The following MAGI1 variants were observed in gnomAD, a reference collection of about 807,000 sequenced individuals.
The protein encoded by MAGI1 is membrane associated guanylate kinase, WW and PDZ domain containing 1.
In MAGI1, 58 loss-of-function variants were observed where a neutral mutation model predicts 139.9. The ratio of observed to expected loss-of-function variants is 0.41; its 90% CI spans 0.34 to 0.52. The LOEUF is 0.52. MAGI1 is among the 20% of genes least tolerant of loss of function. MAGI1 has a pLI of 0.12. For missense variants in MAGI1, 1,874 were observed against 1,901.6 expected (o/e 0.99, Z 0.27); for synonymous variants, 812 against 737.9 (o/e 1.10, Z -1.63).
chr3:65,832,988 G>A (rs901751298), intron 1 of MAGI1, among the ~76,000 whole-genome samples: 1 of 152,132 alleles, frequency 6.6e-6, no homozygotes, highest in Non-Finnish European at 1.5e-5. Flanking sequence ...TTCTACAATG[G>A]TGCAATTATA....
chr3:65,565,885 T>C (rs921341710), intron 2 of MAGI1, among the ~76,000 whole-genome samples: 1 of 145,902 alleles, frequency 6.9e-6, no homozygotes, highest in African/African-American at 2.5e-5. Flanking sequence ...GAAACATTGC[T>C]ATCACACAAC....
At chr3:65,590,551 T>C (rs2081922460) in intron 2 of MAGI1, among the ~76,000 whole-genome samples, 1 of 152,196 alleles carries the variant, frequency 6.6e-6, no homozygotes, top group Non-Finnish European at 1.5e-5. Context: ...CTGAGGATGA[T>C]ATAATTCAAA....
rs114320591 is a variant in MAGI1 at position 65,814,177 on chromosome 3, G to A, written c.314-192089C>T. 3.9e-3 allele frequency among the ~76,000 whole-genome samples: 595 copies of A among 152,186 alleles called. 2 individuals carry two copies. Among genetic ancestry groups the A allele is most frequent in the South Asian group, 0.023 (112 of 4,816 alleles). ...AGCTGCTAAAGATATAGATTACTCT[G>A]CCAGACACAGGGTGTCTCATCACTA... On this transcript the variant is annotated intron_variant, in intron 1 of 22. Coordinates refer to ENST00000402939, the MANE Select transcript of MAGI1 (RefSeq NM_001033057.2).
At position 65,379,522 on chromosome 3, in the gene MAGI1, C is replaced by T. The variant is rs777531492; in HGVS notation, c.2734G>A (p.Ala912Thr). 4 of 1,611,832 alleles carry T rather than the reference C, an allele frequency of 2.5e-6. No homozygotes were observed. In the African/African-American group the frequency reaches 5.3e-5, roughly 22 times the overall value. Reference sequence around the variant, plus strand: ...TGGTTGCTACTGTGATGAGAGGAGGCTGGCGAGGGCACCTCGTTCTCGGTT... The same window carrying T: ...TGGTTGCTACTGTGATGAGAGGAGGTTGGCGAGGGCACCTCGTTCTCGGTT... ...PKTENEVPSP[A>T]SSHHSSNQPA... Residue 912 changes from alanine (A) to threonine (T), a missense_variant, in exon 17 of 23, where the codon GCC becomes ACC. Ala to Thr is a moderately conservative substitution (Grantham distance 58). This residue lies in a region of MAGI1 where 482 missense variants were observed against 509.6 expected (regional missense o/e 0.95). Transcript: ENST00000402939.
At chr3:65,913,336 A>G (rs2061752269) in intron 1 of MAGI1, among the ~76,000 whole-genome samples, 1 of 152,132 alleles carries the variant, frequency 6.6e-6, no homozygotes, top group Admixed American at 6.5e-5. Context: ...ATTTTTTCAT[A>G]TTTGACAAAA....
At chr3:65,660,313 T>C (rs1186065915) in intron 1 of MAGI1, among the ~76,000 whole-genome samples, 1 of 152,240 alleles carries the variant, frequency 6.6e-6, no homozygotes, top group Non-Finnish European at 1.5e-5. Context: ...TCTGAGTTTA[T>C]AGTCAAAAAG....
chr3:65,419,233 C>CACACACACACACACACACAT (rs1303506335), intron 12 of MAGI1, among the ~76,000 whole-genome samples: 109 of 151,734 alleles, frequency 7.2e-4, no homozygotes, highest in African/African-American at 2.3e-3. Context: ...CACACACACA[C>CACACACACACACACACACAT]ACACACACAC....
At chr3:65,612,927 A>G (rs1327061444) in intron 2 of MAGI1, among the ~76,000 whole-genome samples, 1 of 152,166 alleles carries the variant, frequency 6.6e-6, no homozygotes, top group South Asian at 2.1e-4. Context: ...ATGTCAGCTA[A>G]AATTATAAAG....
In MAGI1 at chr3:65,885,675, C is replaced by T. The variant is rs113965236; in HGVS notation, c.313+152321G>A. The stretch of plus-strand genomic sequence containing the variant: ...TTATAAAGGGCAGTTCCCCTGCACA[C>T]GCTCTCTTGCCTGCCACCATGTAAG... On this transcript the variant is annotated intron_variant, in intron 1 of 22. Transcript: ENST00000402939. Among the ~76,000 whole-genome samples, 316 of 152,244 alleles carry T rather than the reference C, an allele frequency of 2.1e-3. 4 individuals are homozygous for T. The highest frequency in any genetic ancestry group is 6.5e-3 in the African/African-American group (269 of 41,548).
At chr3:65,670,446 T>C (rs2086787195) in intron 1 of MAGI1, among the ~76,000 whole-genome samples, 1 of 152,100 alleles carries the variant, frequency 6.6e-6, no homozygotes, top group Non-Finnish European at 1.5e-5. Context: ...TTTGAATTCC[T>C]GGCTTTTATG....
intron 5 of MAGI1, among the ~76,000 whole-genome samples, chr3:65,469,408 T>C (rs971907195): frequency 6.6e-6 from 1 of 152,170 alleles, no homozygotes. Context: ...GTCAAAATAC[T>C]GCATTTAAAA....
At chr3:65,775,290 T>C (rs2038284050) in intron 1 of MAGI1, among the ~76,000 whole-genome samples, 1 of 149,868 alleles carries the variant, frequency 6.7e-6, no homozygotes, top group African/African-American at 2.5e-5. Context: ...AACAAAAAAA[T>C]ACAAAAAAAT....
At chr3:65,602,645 C>G (rs2082537360) in intron 2 of MAGI1, among the ~76,000 whole-genome samples, 1 of 150,984 alleles carries the variant, frequency 6.6e-6, no homozygotes, top group South Asian at 2.1e-4. Flanking sequence ...TGAGAATAAA[C>G]TAAAAAATAA....
At chr3:65,862,683 T>C (rs2059594452) in intron 1 of MAGI1, among the ~76,000 whole-genome samples, 2 of 152,194 alleles carry the variant, frequency 1.3e-5, no homozygotes, top group African/African-American at 4.8e-5. Context: ...TTCTCTCCTC[T>C]TCCACCAGCT....
chr3:65,939,822 A>G (rs1225735884), intron 1 of MAGI1, among the ~76,000 whole-genome samples: 1 of 152,214 alleles, frequency 6.6e-6, no homozygotes, highest in Non-Finnish European at 1.5e-5. Context: ...CATTCCTCAT[A>G]GTATTTGAAC....
At chr3:66,027,735 T>A (rs1006222328) in intron 1 of MAGI1, among the ~76,000 whole-genome samples, 3 of 152,210 alleles carry the variant, frequency 2.0e-5, no homozygotes, top group Non-Finnish European at 4.4e-5. Flanking sequence ...GTATCAAGCA[T>A]GGAGTCATGC....
intron 1 of MAGI1, among the ~76,000 whole-genome samples, chr3:65,673,927 T>C (rs1679471577): frequency 6.6e-6 from 1 of 152,192 alleles, no homozygotes; most frequent in Admixed American, 6.5e-5. Context: ...GAATGCCTTC[T>C]ATTAGAGTCA....
At chr3:65,632,238 G>C (rs1275446698) in intron 1 of MAGI1, among the ~76,000 whole-genome samples, 1 of 152,108 alleles carries the variant, frequency 6.6e-6, no homozygotes, top group Non-Finnish European at 1.5e-5. Flanking sequence ...AAGAAATTCA[G>C]CATCACTCAA....
intron 3 of MAGI1, among the ~76,000 whole-genome samples, chr3:65,481,683 T>C (rs1372478861): frequency 1.3e-5 from 2 of 152,198 alleles, no homozygotes; most frequent in African/African-American, 4.8e-5. Context: ...TTCAGTGCCA[T>C]TAAACTGAAG....
Sources: gnomAD v4.1 joint callset for allele counts (sites outside exome capture counted in the v4.1 genomes callset) on GRCh38, gnomAD v4.1.1 for gene constraint, gnomAD v4.1.1 regional missense constraint, MANE v1.5 for transcripts, NCBI Gene and HGNC (gene_info 2026-07-23, HGNC 2026-07-21) for gene names.